The following ANO4 variants were observed in gnomAD, a reference collection of about 807,000 sequenced individuals.
ANO4 encodes anoctamin 4.
ANO4 carries 69 observed loss-of-function variants against 141.9 expected under a neutral mutation model. The ratio of observed to expected loss-of-function variants is 0.49; its 90% CI spans 0.40 to 0.59. The LOEUF is 0.59. Among genes scored for constraint, ANO4 ranks in the 20% least tolerant of loss-of-function variants. The pLI, the probability that ANO4 is intolerant of heterozygous loss-of-function variation, is 0.00. For missense variants in ANO4, 894 were observed against 1,162.2 expected (o/e 0.77, Z 3.36); for synonymous variants, 350 against 394.3 (o/e 0.89, Z 1.33).
intron 3 of ANO4, among the ~76,000 whole-genome samples, chr12:100,922,573 C>T (rs1285233984): frequency 6.6e-6 from 1 of 152,036 alleles, no homozygotes; most frequent in Non-Finnish European, 1.5e-5. Flanking sequence ...ATGATCAATT[C>T]TGTATATTGT....
At chr12:101,074,170 C>T (rs1328573740) in intron 14 of ANO4, among the ~76,000 whole-genome samples, 1 of 152,148 alleles carries the variant, frequency 6.6e-6, no homozygotes, top group African/African-American at 2.4e-5. Context: ...ATCGCTGTAG[C>T]ACAAAGGCAG....
chr12:101,066,997 CAA>C (rs34416390), intron 14 of ANO4: 8,535 of 179,660 alleles, frequency 0.048, 15 homozygotes, highest in Middle Eastern at 0.083. Flanking sequence ...TAAAGTATAA[CAA>C]AAAAAAAAAA....
intron 1 of ANO4, among the ~76,000 whole-genome samples, chr12:100,851,824 C>T (rs10860648): frequency 0.64 from 96,395 of 151,736 alleles, 30,757 homozygotes; most frequent in East Asian, 0.7. Flanking sequence ...GACAAGCCAA[C>T]GTACCTGATG....
intron 1 of ANO4, among the ~76,000 whole-genome samples, chr12:100,838,998 A>G (rs953015012): frequency 6.6e-6 from 1 of 152,228 alleles, no homozygotes; most frequent in Non-Finnish European, 1.5e-5. Flanking sequence ...CTTGAGGATT[A>G]GAAGACTGAG....
At chr12:100,978,236 C>T (rs868085474) in intron 7 of ANO4, among the ~76,000 whole-genome samples, 17 of 152,150 alleles carry the variant, frequency 1.1e-4, no homozygotes, top group Middle Eastern at 3.4e-3. Context: ...TCTCCACATG[C>T]GTGTATGAGG....
At chr12:100,900,606 T>A (rs369794183) in intron 1 of ANO4, among the ~76,000 whole-genome samples, 1 of 152,096 alleles carries the variant, frequency 6.6e-6, no homozygotes, top group Non-Finnish European at 1.5e-5. Context: ...GTGGAACATA[T>A]ACACCACGGA....
At chr12:100,939,636 C>A (rs1400140962) in intron 4 of ANO4, among the ~76,000 whole-genome samples, 185 bp downstream of exon 4, 2 of 152,154 alleles carry the variant, frequency 1.3e-5, no homozygotes, top group Non-Finnish European at 2.9e-5. Context: ...CCTAAATCTA[C>A]CTATACACAA....
At chr12:100,897,229 A>G (rs1267767079) in intron 1 of ANO4, among the ~76,000 whole-genome samples, 1 of 152,224 alleles carries the variant, frequency 6.6e-6, no homozygotes, top group African/African-American at 2.4e-5. Flanking sequence ...GAAAGGAGGA[A>G]GATTAGGAAC....
chr12:101,103,217 A>C lies in ANO4; in HGVS notation c.2149+3497A>C, dbSNP rs1457385695. 2.6e-4 allele frequency among the ~76,000 whole-genome samples: 24 copies of C among 91,998 alleles called. 2 individuals are homozygous for C. The highest frequency in any genetic ancestry group is 6.4e-4 in the African/African-American group (18 of 27,938). 60.4% of individuals were successfully genotyped at this position (91,998 alleles called of 152,430 possible). ...TATATATATATATATATATATATAT[A>C]TATATATATATATCTTTTTGTTCTT... is the stretch of plus-strand genomic sequence containing the variant. On this transcript the variant is annotated intron_variant, in intron 22 of 27. Coordinates refer to ENST00000392977, the MANE Select transcript of ANO4 (RefSeq NM_001286615.2).
chr12:100,882,676 TTTTTTTTGTTTGTTTTTTG>T (rs1250503240), intron 1 of ANO4, among the ~76,000 whole-genome samples: 33 of 93,774 alleles, frequency 3.5e-4, no homozygotes, highest in African/African-American at 1.5e-3. Flanking sequence ...TGGAACTCTG[TTTTTTTTGTTTGTTTTTTG>T]TTTTTTTGTT....
At chr12:100,884,482 A>G (rs143272882) in intron 1 of ANO4, among the ~76,000 whole-genome samples, 2 of 152,254 alleles carry the variant, frequency 1.3e-5, no homozygotes, top group African/African-American at 4.8e-5. Context: ...ATTTTTGAGA[A>G]TATTGATTAG....
chr12:101,048,037 C>G, intron 13 of ANO4: 1 of 1,131,762 alleles, frequency 8.8e-7, no homozygotes. Context: ...CACATATGTA[C>G]GTGTATAAGA....
intron 1 of ANO4, among the ~76,000 whole-genome samples, chr12:100,837,887 T>C (rs2037024533): frequency 6.6e-6 from 1 of 152,158 alleles, no homozygotes; most frequent in Non-Finnish European, 1.5e-5. Flanking sequence ...ACAAACATCA[T>C]AGATGCCATG....
intron 14 of ANO4, among the ~76,000 whole-genome samples, chr12:101,078,269 C>G (rs1324490844): frequency 6.6e-6 from 1 of 152,084 alleles, no homozygotes; most frequent in Non-Finnish European, 1.5e-5. Flanking sequence ...CATTCTCTCT[C>G]CTAGGGTATG....
At chr12:100,921,067 T>C (rs1005474112) in intron 2 of ANO4, among the ~76,000 whole-genome samples, 8 of 152,112 alleles carry the variant, frequency 5.3e-5, no homozygotes, top group Non-Finnish European at 8.8e-5. Context: ...GTAGCTTTGC[T>C]CTTAGCTCTG....
intron 2 of ANO4, among the ~76,000 whole-genome samples, chr12:100,736,443 T>G (rs919246221): frequency 6.6e-6 from 1 of 152,112 alleles, no homozygotes; most frequent in Non-Finnish European, 1.5e-5. Flanking sequence ...TGAGGACATA[T>G]GAGAGTAAGA....
chr12:100,976,083 G>C (rs2044180027), intron 7 of ANO4, among the ~76,000 whole-genome samples: 1 of 152,106 alleles, frequency 6.6e-6, no homozygotes, highest in Non-Finnish European at 1.5e-5. Flanking sequence ...ATTCTGTTGT[G>C]ATCATTGGAG....
chr12:100,998,553 T>C (rs1449127750), intron 8 of ANO4, among the ~76,000 whole-genome samples: 1 of 152,208 alleles, frequency 6.6e-6, no homozygotes, highest in East Asian at 1.9e-4. Flanking sequence ...CATCACATTC[T>C]AGTTGAAAAT....
intron 1 of ANO4, among the ~76,000 whole-genome samples, chr12:100,834,912 C>T (rs1475825348): frequency 6.6e-6 from 1 of 152,128 alleles, no homozygotes; most frequent in Non-Finnish European, 1.5e-5. Context: ...ATGTGTTCCC[C>T]TGGCACGTTA....
Sources: gnomAD v4.1 joint callset for allele counts (sites outside exome capture counted in the v4.1 genomes callset) on GRCh38, gnomAD v4.1.1 for gene constraint, MANE v1.5 for transcripts, NCBI Gene and HGNC (gene_info 2026-07-23, HGNC 2026-07-21) for gene names.